OPRM1: variants seen among roughly 807,000 people sequenced by gnomAD.
OPRM1 encodes the protein mu-type opioid receptor.
Under a neutral mutation model 31.8 loss-of-function variants are expected in OPRM1, and 27 were observed. The ratio of observed to expected loss-of-function variants is 0.85; its 90% confidence interval spans 0.63 to 1.17. The LOEUF (loss-of-function observed/expected upper bound fraction) is 1.17, where lower values mean the gene tolerates loss of function less well. Among genes scored for constraint, OPRM1 ranks in the 50% most tolerant of loss-of-function variants. The pLI is 0.00. For missense variants in OPRM1, 536 were observed against 511.1 expected (o/e 1.05, Z -0.47); for synonymous variants, 196 against 189.9 (o/e 1.03, Z -0.26).
intron 1 of OPRM1, among the ~76,000 whole-genome samples, chr6:154,082,847 T>C (rs552298286): frequency 2.0e-5 from 3 of 152,346 alleles, no homozygotes; most frequent in Non-Finnish European, 4.4e-5. Flanking sequence ...ATAAATATTC[T>C]ATATATTTGC....
intron 3 of OPRM1, among the ~76,000 whole-genome samples, chr6:154,185,168 G>GT (rs1801227053): frequency 6.6e-6 from 1 of 152,122 alleles, no homozygotes; most frequent in Admixed American, 6.5e-5. Context: ...ATACTCAGCT[G>GT]TATGTGAAAG....
At chr6:154,099,329 A>AAGGAAGGAAGGAAGGG (rs1188397084) in intron 3 of OPRM1, among the ~76,000 whole-genome samples, 46 of 119,460 alleles carry the variant, frequency 3.9e-4, no homozygotes, top group Non-Finnish European at 5.6e-4. Context: ...GGAAGGAAGG[A>AAGGAAGGAAGGAAGGG]AGGGAGGGAG....
chr6:154,118,334 T>C (rs1303447063), intron 3 of OPRM1, among the ~76,000 whole-genome samples: 1 of 152,144 alleles, frequency 6.6e-6, no homozygotes, highest in Non-Finnish European at 1.5e-5. Context: ...AAGTCATAAA[T>C]GATTTGAGGC....
chr6:154,202,908 G>A (rs1182874654), intron 3 of OPRM1, among the ~76,000 whole-genome samples: 1 of 152,152 alleles, frequency 6.6e-6, no homozygotes, highest in Non-Finnish European at 1.5e-5. Flanking sequence ...AGAGGAAAAG[G>A]AAAATGAGAA....
intron 1 of OPRM1, among the ~76,000 whole-genome samples, chr6:154,030,168 A>G (rs1778928856): frequency 6.9e-6 from 1 of 144,386 alleles, no homozygotes; most frequent in South Asian, 2.1e-4. Flanking sequence ...AGAATACCTG[A>G]CATACTGTAG....
intron 1 of OPRM1, among the ~76,000 whole-genome samples, chr6:154,079,044 T>C (rs1340410635): frequency 2.0e-5 from 3 of 152,028 alleles, no homozygotes; most frequent in Non-Finnish European, 4.4e-5. Context: ...TTTGAGAGGA[T>C]AGGAGAAAGA....
chr6:154,026,836 G>T (rs12194920), intron 1 of OPRM1, among the ~76,000 whole-genome samples: 13,476 of 151,948 alleles, frequency 0.089, 1,070 homozygotes, highest in African/African-American at 0.21. Flanking sequence ...TTATCTGATA[G>T]AATTCTGAAT....
intron 3 of OPRM1, chr6:154,155,913 G>A (rs1171254159): frequency 1.3e-5 from 2 of 152,086 alleles, no homozygotes; most frequent in African/African-American, 2.4e-5. Flanking sequence ...TCATCTCTGT[G>A]ACATTGTTTG....
At chr6:154,147,156 G>A (rs1798379643) in intron 3 of OPRM1, among the ~76,000 whole-genome samples, 1 of 152,188 alleles carries the variant, frequency 6.6e-6, no homozygotes, top group Non-Finnish European at 1.5e-5. Flanking sequence ...GGAGGACAAG[G>A]CAATGGGGAG....
At chr6:154,116,875 C>T (rs1036088887) in intron 3 of OPRM1, among the ~76,000 whole-genome samples, 1 of 152,142 alleles carries the variant, frequency 6.6e-6, no homozygotes, top group African/African-American at 2.4e-5. Context: ...TCTTTCCTTT[C>T]TCTCTCCCCT....
At chr6:154,200,106 C>G in intron 3 of OPRM1, 1 of 1,419,028 alleles carries the variant, frequency 7.0e-7, no homozygotes, top group Non-Finnish European at 9.4e-7. Flanking sequence ...CATTCTCTAC[C>G]TTTTATTTTC....
chr6:154,151,694 T>G (rs1203663432), intron 3 of OPRM1, among the ~76,000 whole-genome samples: 1 of 151,182 alleles, frequency 6.6e-6, no homozygotes, highest in Admixed American at 6.6e-5. Flanking sequence ...GCACCCTGTT[T>G]GCCTGGGAAT....
chr6:154,045,441 C>A (rs1463455257), intron 1 of OPRM1, among the ~76,000 whole-genome samples: 2 of 152,240 alleles, frequency 1.3e-5, no homozygotes, highest in East Asian at 3.9e-4. Flanking sequence ...TAAAACAGAT[C>A]ACAGAACAAC....
intron 3 of OPRM1, among the ~76,000 whole-genome samples, chr6:154,202,438 T>C (rs1371680587): frequency 2.0e-5 from 3 of 152,204 alleles, no homozygotes; most frequent in Non-Finnish European, 4.4e-5. Context: ...TAGCAGGATC[T>C]ACAAAATAAA....
At chr6:154,174,128 ATT>A (rs1321236074) in intron 3 of OPRM1, among the ~76,000 whole-genome samples, 1 of 152,172 alleles carries the variant, frequency 6.6e-6, no homozygotes, top group Non-Finnish European at 1.5e-5. Flanking sequence ...ATGCTGAGAG[ATT>A]TTGTCACCAC....
intron 3 of OPRM1, among the ~76,000 whole-genome samples, chr6:154,140,199 A>G (rs1232800012): frequency 6.6e-6 from 1 of 152,198 alleles, no homozygotes; most frequent in African/African-American, 2.4e-5. Flanking sequence ...AAAGAACCAC[A>G]GCTTTTATCC....
At position 154,124,130 on chromosome 6, in the gene OPRM1, G is replaced by A. The variant is rs1797453621; in HGVS notation, c.*5409G>A. Among the ~76,000 whole-genome samples the A allele has an allele frequency of 6.6e-6, 1 of 152,104 alleles. No individual in the cohort carries two copies. The highest frequency in any genetic ancestry group is 2.4e-5 in the African/African-American group (1 of 41,414). ...AAAAACAGATTGACAGTGGACTAAA[G>A]GTACTTTTGTAGCAAGGTACTTTCC... On this transcript the variant is annotated 3_prime_UTR_variant, in exon 4 of 4. Transcript: ENST00000330432.
downstream of OPRM1, among the ~76,000 whole-genome samples, chr6:154,136,629 G>A (rs539854457): frequency 3.9e-5 from 6 of 152,184 alleles, no homozygotes; most frequent in South Asian, 1.2e-3. Context: ...TCCTGCACTG[G>A]CGCAGCATCC....
intron 1 of OPRM1, among the ~76,000 whole-genome samples, chr6:154,045,121 G>A (rs964320794): frequency 3.3e-5 from 5 of 152,016 alleles, no homozygotes; most frequent in Non-Finnish European, 5.9e-5. Flanking sequence ...AACTACTGGG[G>A]AGGCTGAGGC....
Sources: allele counts gnomAD v4.1 joint callset (sites outside exome capture counted in the v4.1 genomes callset), GRCh38; gene constraint gnomAD v4.1.1; transcripts MANE v1.5; gene names NCBI Gene and HGNC (gene_info 2026-07-23, HGNC 2026-07-21).